PCDHA2: variants seen among roughly 807,000 people sequenced by gnomAD.
PCDHA2 encodes protocadherin alpha 2, also known as protocadherin alpha-2.
PCDHA2 carries 58 observed loss-of-function variants against 66.0 expected under a neutral mutation model. That is an observed-to-expected ratio of 0.88 (90% CI 0.71 to 1.09). The LOEUF is 1.09. PCDHA2 is among the 50% of genes least tolerant of loss of function. PCDHA2 has a pLI of 0.00. For synonymous variants in PCDHA2, 634 were observed against 554.0 expected (o/e 1.14, Z -2.03); for missense variants, 1,267 against 1,242.3 (o/e 1.02, Z -0.30).
chr5:140,988,528 T>C (rs1391489747), intron 3 of PCDHA2, among the ~76,000 whole-genome samples: 1 of 152,194 alleles, frequency 6.6e-6, no homozygotes, highest in African/African-American at 2.4e-5. Flanking sequence ...CTCTGCTGGC[T>C]CCATCCATTC....
chr5:140,909,711 A>G (rs1473634057), intron 1 of PCDHA2, among the ~76,000 whole-genome samples: 1 of 152,122 alleles, frequency 6.6e-6, no homozygotes, highest in Non-Finnish European at 1.5e-5. Context: ...TGCTAAGTAT[A>G]CCTATGCCAA....
chr5:140,827,933 T>C, intron 1 of PCDHA2: 2 of 1,081,166 alleles, frequency 1.8e-6, no homozygotes, highest in Non-Finnish European at 2.7e-6. Flanking sequence ...CATGAAGTTA[T>C]AGCTAGCCAA....
rs1769607526 is a variant in PCDHA2 at position 140,828,202 on chromosome 5, G to T, written c.2388+30850G>T. On this transcript the variant is annotated intron_variant, in intron 1 of 3. Transcript: ENST00000526136. ...GCCAGCTCCACTACTCCGTACCCGA[G>T]GAGGCCAAACACGGCACCTTCGTGG... is the stretch of plus-strand genomic sequence containing the variant. The T allele has an allele frequency of 2.5e-6, 4 of 1,614,084 alleles. No homozygotes were observed. In the African/African-American group the frequency reaches 4.0e-5, roughly 16 times the overall value.
intron 1 of PCDHA2, chr5:140,927,406 G>C: frequency 6.2e-7 from 1 of 1,614,210 alleles, no homozygotes; most frequent in East Asian, 2.2e-5. Context: ...CTTTCGCCTG[G>C]ACATGGGATC....
At chr5:140,828,286 G>T (rs1479873419) in intron 1 of PCDHA2, 1 of 1,614,136 alleles carries the variant, frequency 6.2e-7, no homozygotes, top group Admixed American at 1.7e-5. Context: ...GCCTGTTCAG[G>T]ATGGCCTCCA....
intron 1 of PCDHA2, among the ~76,000 whole-genome samples, chr5:140,964,913 A>G (rs1254329232): frequency 6.6e-6 from 1 of 152,202 alleles, no homozygotes; most frequent in African/African-American, 2.4e-5. Context: ...CTCTGGAATA[A>G]CACTGGCTAG....
chr5:140,938,843 C>G (rs1232774282), intron 1 of PCDHA2, among the ~76,000 whole-genome samples: 1 of 152,130 alleles, frequency 6.6e-6, no homozygotes, highest in East Asian at 1.9e-4. Context: ...AACAAACCTG[C>G]CCATGTACCC....
At chr5:140,838,432 A>G (rs1426566624) in intron 1 of PCDHA2, among the ~76,000 whole-genome samples, 2 of 151,466 alleles carry the variant, frequency 1.3e-5, no homozygotes, top group African/African-American at 4.9e-5. Flanking sequence ...CCTAAATTAT[A>G]TATTGGGTTT....
intron 1 of PCDHA2, among the ~76,000 whole-genome samples, chr5:140,951,417 C>G (rs1259525145): frequency 6.6e-6 from 1 of 152,044 alleles, no homozygotes; most frequent in Non-Finnish European, 1.5e-5. Context: ...AATTGGCTCA[C>G]AGTTCCACAG....
chr5:140,870,252 G>C lies in PCDHA2; in HGVS notation c.2388+72900G>C, dbSNP rs782545691. On this transcript the variant is annotated intron_variant, in intron 1 of 3. Coordinates refer to ENST00000526136, the MANE Select transcript of PCDHA2 (RefSeq NM_018905.3). ...ACCGTGACTCAGGTGTCAACGGACA[G>C]GTGACCTGCTCGCTGACGCCCCACG... The C allele has an allele frequency of 4.3e-6, 7 of 1,614,080 alleles. No homozygotes were observed. The South Asian group carries it at 7.7e-5, about 18-fold the overall frequency.
intron 1 of PCDHA2, among the ~76,000 whole-genome samples, chr5:140,954,347 G>A (rs145658065): frequency 0.023 from 3,565 of 152,288 alleles, 49 homozygotes; most frequent in Middle Eastern, 0.034. Flanking sequence ...CTAGATCTTT[G>A]AGGAATCGCC....
Position 140,823,435 on chromosome 5 carries a change from G to A in PCDHA2, c.2388+26083G>A, listed in dbSNP as rs2150125810. On this transcript the variant is annotated intron_variant, in intron 1 of 3. Coordinates refer to ENST00000526136, the MANE Select transcript of PCDHA2 (RefSeq NM_018905.3). ...CAGCAACGTGACGCTGCAGGTGTTC[G>A]TGCTGGACGAGAACGACAACGCGCC... 6 of 1,613,288 alleles carry A rather than the reference G, an allele frequency of 3.7e-6. No homozygotes were observed. In the East Asian group the frequency reaches 6.7e-5, roughly 18 times the overall value.
intron 1 of PCDHA2, among the ~76,000 whole-genome samples, chr5:140,908,097 G>A (rs184366035): frequency 2.6e-5 from 4 of 152,212 alleles, no homozygotes; most frequent in African/African-American, 9.6e-5. Flanking sequence ...ACTGATTGAA[G>A]TTCTGTCCAC....
chr5:140,807,848 G>A, intron 1 of PCDHA2: 1 of 1,614,172 alleles, frequency 6.2e-7, no homozygotes, highest in Middle Eastern at 1.6e-4. Flanking sequence ...AGGCAAACCC[G>A]AGTTGACTGG....
chr5:140,870,975 G>A, intron 1 of PCDHA2: 1 of 1,613,610 alleles, frequency 6.2e-7, no homozygotes, highest in Non-Finnish European at 8.5e-7. Context: ...TCCGCGTGGG[G>A]CTGTACACGG....
At chr5:140,872,610 T>C (rs1270918795) in intron 1 of PCDHA2, among the ~76,000 whole-genome samples, 2 of 152,146 alleles carry the variant, frequency 1.3e-5, no homozygotes, top group Non-Finnish European at 2.9e-5. Context: ...AAAATAATTT[T>C]TTTTGCCTGT....
intron 1 of PCDHA2, chr5:140,802,294 G>A (rs992529407): frequency 6.2e-7 from 1 of 1,614,204 alleles, no homozygotes; most frequent in African/African-American, 1.3e-5. Context: ...TCTCCACTTA[G>A]CACAGTCATC....
intron 1 of PCDHA2, chr5:140,868,729 T>C (rs1467955446): frequency 5.1e-6 from 1 of 195,146 alleles, no homozygotes; most frequent in African/African-American, 2.3e-5. Flanking sequence ...TTGATGTTAA[T>C]CGAGAAATAC....
intron 1 of PCDHA2, chr5:140,883,811 G>C (rs782535066): frequency 6.2e-7 from 1 of 1,612,586 alleles, no homozygotes; most frequent in South Asian, 1.1e-5. Context: ...CGCGGAGAGC[G>C]GCAAGGTGTA....
Sources: gnomAD v4.1 joint callset for allele counts (sites outside exome capture counted in the v4.1 genomes callset) on GRCh38, gnomAD v4.1.1 for gene constraint, MANE v1.5 for transcripts, NCBI Gene and HGNC (gene_info 2026-07-23, HGNC 2026-07-21) for gene names.